Variants in DSTN observed in about 807,000 individuals in gnomAD.
DSTN encodes the protein destrin.
A neutral mutation model predicts 16.8 loss-of-function variants in DSTN; 10 were observed. The observed-to-expected ratio is 0.60, with a 90% confidence interval of 0.37 to 1.01. The LOEUF is 1.01. DSTN is among the 50% of genes least tolerant of loss of function. The pLI is 0.01. For missense variants in DSTN, 141 were observed against 196.7 expected, an observed-to-expected ratio of 0.72 and a Z score of 1.69; for synonymous variants, 57 against 58.9, an observed-to-expected ratio of 0.97 and a Z score of 0.14.
chr20:17,574,358 C>T (rs949153142), intron 1 of DSTN, among the ~76,000 whole-genome samples: 1 of 152,032 alleles, frequency 6.6e-6, no homozygotes, highest in African/African-American at 2.4e-5. Flanking sequence ...ATTTTTAGGC[C>T]CCTGGTAGTG....
intron 1 of DSTN, among the ~76,000 whole-genome samples, chr20:17,586,206 G>C (rs2035406811): frequency 6.6e-6 from 1 of 152,120 alleles, no homozygotes; most frequent in Admixed American, 6.5e-5. Context: ...AAAACTAATA[G>C]AACTTACTAT....
At position 17,609,060 on chromosome 20, in the gene DSTN, T is replaced by G. The variant is rs1300736113; in HGVS notation, c.*1914T>G. ...TAAGTGCAGTCTAGGGTGGGGAACA[T>G]TTTAATGTTGATCCACATGCCAGGT... On this transcript the variant is annotated 3_prime_UTR_variant, in exon 4 of 4. Transcript: ENST00000246069. 1 of 152,224 alleles carries G rather than the reference T, an allele frequency of 6.6e-6. No homozygotes were observed. Among genetic ancestry groups the G allele is most frequent in the African/African-American group, 2.4e-5 (1 of 41,446 alleles). The allele number at this position is 152,224 out of a possible 1,614,324, so 9.4% of individuals were successfully genotyped here.
At chr20:17,575,807 C>G (rs989983944) in intron 1 of DSTN, among the ~76,000 whole-genome samples, 48 of 152,284 alleles carry the variant, frequency 3.2e-4, no homozygotes, top group African/African-American at 1.0e-3. Context: ...GGATTACAGG[C>G]ATGAGCCACT....
chr20:17,584,168 A>G lies in DSTN; in HGVS notation c.3+13957A>G, dbSNP rs1292165698. Among the ~76,000 whole-genome samples the G allele has an allele frequency of 2.0e-5, 3 of 152,200 alleles. No individual in the cohort carries two copies. In the East Asian group the frequency reaches 5.8e-4, roughly 29 times the overall value. On this transcript the variant is annotated intron_variant, in intron 1 of 3. Transcript: ENST00000246069. ...TTTAAACGGGTAAATTTCATGGTATATAGAATATATCTGTAAAAACTACTT... is the reference window on the plus strand; with the variant it reads ...TTTAAACGGGTAAATTTCATGGTATGTAGAATATATCTGTAAAAACTACTT...
chr20:17,606,864 A>G (rs928432779), intron 3 of DSTN, among the ~76,000 whole-genome samples, 173 bp from the exon 4 acceptor site: 2 of 152,202 alleles, frequency 1.3e-5, no homozygotes, highest in African/African-American at 2.4e-5. Context: ...AGGCCCATCT[A>G]TCTTGATGCA....
intron 2 of DSTN, among the ~76,000 whole-genome samples, chr20:17,601,601 C>T (rs1210774200): frequency 6.6e-6 from 1 of 152,234 alleles, no homozygotes; most frequent in Non-Finnish European, 1.5e-5. Context: ...TGAATTACCA[C>T]ATTTCAAATG....
chr20:17,598,541 CTG>C (rs1282905032), intron 1 of DSTN, among the ~76,000 whole-genome samples: 1 of 152,112 alleles, frequency 6.6e-6, no homozygotes, highest in African/African-American at 2.4e-5. Context: ...TCCTTTAAAA[CTG>C]TTTTTTAATT....
intron 1 of DSTN, among the ~76,000 whole-genome samples, chr20:17,597,812 T>C (rs888185088): frequency 5.9e-5 from 9 of 152,170 alleles, no homozygotes; most frequent in Non-Finnish European, 1.0e-4. Context: ...TTTCATTACT[T>C]CAGAAAGGAA....
At chr20:17,606,386 G>A (rs1016946989) in intron 3 of DSTN, among the ~76,000 whole-genome samples, 5 of 152,276 alleles carry the variant, frequency 3.3e-5, no homozygotes, top group East Asian at 1.9e-4. Context: ...ATTTCACATA[G>A]TTTTCATTGT....
intron 1 of DSTN, among the ~76,000 whole-genome samples, chr20:17,583,733 TTC>T (rs2035372318): frequency 8.9e-6 from 1 of 111,786 alleles, no homozygotes; most frequent in South Asian, 3.1e-4. Context: ...GGTTTGGAGT[TTC>T]TTTTTTTTTT....
chr20:17,576,002 T>G (rs1320007782), intron 1 of DSTN, among the ~76,000 whole-genome samples: 1 of 152,238 alleles, frequency 6.6e-6, no homozygotes, highest in Admixed American at 6.5e-5. Context: ...CACTTGGAAT[T>G]GTGCTTCTGA....
intron 1 of DSTN, among the ~76,000 whole-genome samples, chr20:17,576,826 A>G (rs756766567): frequency 2.0e-5 from 3 of 152,232 alleles, no homozygotes; most frequent in African/African-American, 4.8e-5. Context: ...CCTTGTTTCT[A>G]TCTTGGCTTG....
chr20:17,571,237 C>T (rs2035203248), intron 1 of DSTN, among the ~76,000 whole-genome samples: 1 of 152,176 alleles, frequency 6.6e-6, no homozygotes, highest in Admixed American at 6.5e-5. Context: ...CAGTGATTTG[C>T]AGGCGTAGCC....
intron 1 of DSTN, 144 bp downstream of exon 1, chr20:17,570,355 T>G (rs1600694489): frequency 8.5e-7 from 1 of 1,178,612 alleles, no homozygotes; most frequent in Non-Finnish European, 1.1e-6. Context: ...GGGCTGCGGG[T>G]GAGGGGGGGT....
chr20:17,576,498 C>G (rs760422743), intron 1 of DSTN: 1 of 156,276 alleles, frequency 6.4e-6, no homozygotes, highest in African/African-American at 2.4e-5. Flanking sequence ...GCAGCCAGAT[C>G]GCCCTCACAT....
At chr20:17,574,870 GTTTTT>G (rs533880691) in intron 1 of DSTN, among the ~76,000 whole-genome samples, 1 of 81,158 alleles carries the variant, frequency 1.2e-5, no homozygotes, top group African/African-American at 4.9e-5. Context: ...CTTTTCTTTT[GTTTTT>G]TTTTTTTTTT....
At chr20:17,595,098 G>A (rs553568370) in intron 1 of DSTN, among the ~76,000 whole-genome samples, 6 of 152,274 alleles carry the variant, frequency 3.9e-5, no homozygotes, top group African/African-American at 1.4e-4. Context: ...TGCAGAGTTC[G>A]TCCTTTCCTT....
intron 3 of DSTN, among the ~76,000 whole-genome samples, chr20:17,605,548 G>A (rs1331444032): frequency 2.0e-5 from 3 of 151,802 alleles, no homozygotes; most frequent in Non-Finnish European, 2.9e-5. Flanking sequence ...TACTTAGTTC[G>A]GAAAAAAAAA....
chr20:17,593,967 A>G (rs2035498421), intron 1 of DSTN, among the ~76,000 whole-genome samples: 1 of 152,112 alleles, frequency 6.6e-6, no homozygotes, highest in Non-Finnish European at 1.5e-5. Flanking sequence ...TTATAGTCCC[A>G]GTACTCAGGA....
Sources: gnomAD v4.1 joint callset for allele counts (sites outside exome capture counted in the v4.1 genomes callset) on GRCh38, gnomAD v4.1.1 for gene constraint, MANE v1.5 for transcripts, NCBI Gene and HGNC (gene_info 2026-07-23, HGNC 2026-07-21) for gene names.